GHR: variants seen among roughly 807,000 people sequenced by gnomAD.
GHR encodes the protein growth hormone receptor, also known as GH receptor.
In GHR, 35 loss-of-function variants were observed where a neutral mutation model predicts 67.1. That is an observed-to-expected ratio of 0.52 (90% CI 0.40 to 0.69). The LOEUF is 0.69. Among genes scored for constraint, GHR ranks in the 30% least tolerant of loss-of-function variants. The pLI is 0.00. For synonymous variants in GHR, 272 were observed against 269.1 expected, an observed-to-expected ratio of 1.01 and a Z score of -0.10; for missense variants, 792 against 764.6, an observed-to-expected ratio of 1.04 and a Z score of -0.42.
intron 3 of GHR, among the ~76,000 whole-genome samples, chr5:42,637,954 G>T (rs1275419794): frequency 6.6e-6 from 1 of 152,068 alleles, no homozygotes; most frequent in Non-Finnish European, 1.5e-5. Context: ...TTGTTTGTTT[G>T]TTTGAGACGG....
intron 1 of GHR, among the ~76,000 whole-genome samples, chr5:42,491,039 T>A (rs900144608): frequency 2.0e-5 from 3 of 152,202 alleles, no homozygotes; most frequent in Non-Finnish European, 2.9e-5. Context: ...GCCCAGCAAA[T>A]TCACTGGATG....
intron 3 of GHR, among the ~76,000 whole-genome samples, chr5:42,679,151 A>G (rs186540272): frequency 6.9e-6 from 1 of 145,432 alleles, no homozygotes; most frequent in African/African-American, 2.5e-5. Flanking sequence ...TATATATTGT[A>G]TATTATATAT....
chr5:42,587,409 T>C (rs1217701463), intron 2 of GHR, among the ~76,000 whole-genome samples: 2 of 152,184 alleles, frequency 1.3e-5, no homozygotes, highest in East Asian at 3.9e-4. Flanking sequence ...TTCCCCTTTC[T>C]CTTTTTGGTT....
At chr5:42,650,204 C>T (rs1391966820) in intron 3 of GHR, among the ~76,000 whole-genome samples, 1 of 152,056 alleles carries the variant, frequency 6.6e-6, no homozygotes, top group Non-Finnish European at 1.5e-5. Flanking sequence ...TGATGTTGCT[C>T]AAAGTCACAT....
intron 5 of GHR, among the ~76,000 whole-genome samples, 156 bp from the exon 6 acceptor site, chr5:42,699,668 C>A (rs1251922914): frequency 6.6e-6 from 1 of 152,066 alleles, no homozygotes; most frequent in Admixed American, 6.6e-5. Context: ...AAGTTACTCT[C>A]TTATAAAGTG....
intron 2 of GHR, among the ~76,000 whole-genome samples, chr5:42,626,245 C>A (rs1753696845): frequency 6.6e-6 from 1 of 152,238 alleles, no homozygotes; most frequent in South Asian, 2.1e-4. Flanking sequence ...CGGCTCATTC[C>A]AACAATACTG....
intron 1 of GHR, among the ~76,000 whole-genome samples, chr5:42,496,049 C>A (rs1428374855): frequency 6.6e-6 from 1 of 152,162 alleles, no homozygotes; most frequent in Non-Finnish European, 1.5e-5. Context: ...ATCTGCCTGG[C>A]TGTGATTTAG....
chr5:42,449,592 T>C (rs1352079606), intron 1 of GHR, among the ~76,000 whole-genome samples: 3 of 152,188 alleles, frequency 2.0e-5, no homozygotes, highest in South Asian at 2.1e-4. Flanking sequence ...ACAGTGACAG[T>C]TGGACTTCCT....
intron 1 of GHR, among the ~76,000 whole-genome samples, chr5:42,461,600 G>A (rs976540776): frequency 2.0e-5 from 3 of 152,202 alleles, no homozygotes; most frequent in Non-Finnish European, 4.4e-5. Context: ...CACCATGAAT[G>A]TCTCCTTGGT....
rs564367220 is a variant in GHR at position 42,469,679 on chromosome 5, G to A, written c.-12+45724G>A. 1.1e-4 allele frequency among the ~76,000 whole-genome samples: 16 copies of A among 152,282 alleles called. No individual in the cohort carries two copies. The South Asian group carries it at 3.3e-3, about 32-fold the overall frequency. On this transcript the variant is annotated intron_variant, in intron 1 of 9. Coordinates refer to ENST00000230882, the MANE Select transcript of GHR (RefSeq NM_000163.5). Reference sequence around the variant, plus strand: ...TGCGAAGAGGAGAGCAGACTCCTTAGACCCAGAGTCCCAGGACACTTGGCC... The same window carrying A: ...TGCGAAGAGGAGAGCAGACTCCTTAAACCCAGAGTCCCAGGACACTTGGCC...
At chr5:42,706,913 A>T (rs536165477) in intron 6 of GHR, among the ~76,000 whole-genome samples, 3 of 151,642 alleles carry the variant, frequency 2.0e-5, no homozygotes, top group African/African-American at 7.3e-5. Flanking sequence ...TTTTTTCTAA[A>T]TCTGTGAAAA....
intron 1 of GHR, among the ~76,000 whole-genome samples, chr5:42,500,449 A>T (rs1746493394): frequency 6.6e-6 from 1 of 152,232 alleles, no homozygotes; most frequent in African/African-American, 2.4e-5. Flanking sequence ...GAAGATAAAT[A>T]CTTGTACTTA....
chr5:42,574,112 C>A (rs923739905), intron 2 of GHR, among the ~76,000 whole-genome samples: 1 of 152,230 alleles, frequency 6.6e-6, no homozygotes, highest in Admixed American at 6.5e-5. Context: ...CACTGACCCA[C>A]TGCATCCCTG....
chr5:42,576,145 G>A (rs1007449526), intron 2 of GHR, among the ~76,000 whole-genome samples: 1 of 101,726 alleles, frequency 9.8e-6, no homozygotes, highest in African/African-American at 3.8e-5. Context: ...AAATAAAATA[G>A]TAAAGTAAAA....
intron 3 of GHR, among the ~76,000 whole-genome samples, chr5:42,642,218 G>T (rs143983284): frequency 1.4e-3 from 218 of 152,214 alleles, no homozygotes; most frequent in African/African-American, 4.8e-3. Context: ...GCCCAGTCTT[G>T]TTCAGGCTGC....
chr5:42,609,497 G>C (rs1188528390), intron 2 of GHR, among the ~76,000 whole-genome samples: 1 of 152,118 alleles, frequency 6.6e-6, no homozygotes, highest in African/African-American at 2.4e-5. Flanking sequence ...TCCTTCCTCT[G>C]TTTGCTAACT....
At chr5:42,687,067 A>G (rs1004588927) in intron 3 of GHR, among the ~76,000 whole-genome samples, 1 of 152,218 alleles carries the variant, frequency 6.6e-6, no homozygotes, top group South Asian at 2.1e-4. Flanking sequence ...GCAAACTCCC[A>G]TTCACAATTG....
intron 3 of GHR, among the ~76,000 whole-genome samples, chr5:42,644,558 T>C (rs1754635196): frequency 6.6e-6 from 1 of 152,150 alleles, no homozygotes; most frequent in Non-Finnish European, 1.5e-5. Context: ...AAGATGTCTT[T>C]TGAAACATGA....
In GHR at chr5:42,713,459, T is replaced by C. The variant is rs1478013018; in HGVS notation, c.815T>C (p.Ile272Thr). Residue 272 changes from isoleucine to threonine, a missense_variant, in exon 8 of 10, where the codon ATC becomes ACC. Transcript: ENST00000230882. ...TACTTTCCATGGCTCTTAATTATTA[T>C]CTTTGGAATATTTGGGCTAACAGTG... is the stretch of plus-strand genomic sequence containing the variant. ...DFYFPWLLII[I>T]FGIFGLTVML... 2.0e-6 allele frequency: 3 copies of C among 1,496,596 alleles called. No individual in the cohort carries two copies. Among genetic ancestry groups the C allele is most frequent in the Admixed American group, 3.3e-5 (2 of 59,846 alleles). The allele number at this position is 1,496,596 out of a possible 1,614,324, so 92.7% of individuals were successfully genotyped here.
Sources: gnomAD v4.1 joint callset for allele counts (sites outside exome capture counted in the v4.1 genomes callset) on GRCh38, gnomAD v4.1.1 for gene constraint, MANE v1.5 for transcripts, NCBI Gene and HGNC (gene_info 2026-07-23, HGNC 2026-07-21) for gene names.